The following MAP2K4 variants were observed in gnomAD, a reference collection of about 807,000 sequenced individuals.
MAP2K4 encodes mitogen-activated protein kinase kinase 4, also known as dual specificity mitogen-activated protein kinase kinase 4.
A neutral mutation model predicts 48.5 loss-of-function variants in MAP2K4; 4 were observed. That is an observed-to-expected ratio of 0.08 (90% CI 0.04 to 0.19). The LOEUF (loss-of-function observed/expected upper bound fraction) is 0.19. Among genes scored for constraint, MAP2K4 ranks in the 10% least tolerant of loss-of-function variants. The pLI, the probability that MAP2K4 is intolerant of heterozygous loss-of-function variation, is 1.00. For missense variants in MAP2K4, 258 were observed against 493.3 expected (o/e 0.52, Z 4.52); for synonymous variants, 166 against 173.1 (o/e 0.96, Z 0.32).
At chr17:12,128,429 T>C (rs1972923831) in intron 8 of MAP2K4, among the ~76,000 whole-genome samples, 1 of 152,176 alleles carries the variant, frequency 6.6e-6, no homozygotes, top group Non-Finnish European at 1.5e-5. Context: ...TAGATGAGAA[T>C]ACGATTCACT....
chr17:12,045,226 C>G (rs1051713442), intron 1 of MAP2K4, among the ~76,000 whole-genome samples: 4 of 151,816 alleles, frequency 2.6e-5, no homozygotes, highest in African/African-American at 7.3e-5. Flanking sequence ...TTTGGAAGCA[C>G]TGATTGAAAA....
intron 1 of MAP2K4, among the ~76,000 whole-genome samples, chr17:12,037,270 C>T (rs1464179983): frequency 1.3e-5 from 2 of 151,920 alleles, no homozygotes; most frequent in African/African-American, 2.4e-5. Flanking sequence ...AAAAGGAAAC[C>T]ATAAAGAGGA....
chr17:12,131,050 T>C (rs966415394), intron 9 of MAP2K4, among the ~76,000 whole-genome samples: 16 of 152,252 alleles, frequency 1.1e-4, no homozygotes, highest in Admixed American at 7.2e-4. Context: ...CAAAGGGCCA[T>C]AGAATATAAA....
At chr17:12,102,459 G>GT (rs1471018340) in intron 4 of MAP2K4, among the ~76,000 whole-genome samples, 18 of 152,074 alleles carry the variant, frequency 1.2e-4, no homozygotes, top group African/African-American at 4.3e-4. Context: ...TAAAATTTTT[G>GT]TATCTATGAG....
chr17:12,108,636 T>A (rs1213193285), intron 5 of MAP2K4, among the ~76,000 whole-genome samples: 1 of 152,050 alleles, frequency 6.6e-6, no homozygotes, highest in Non-Finnish European at 1.5e-5. Flanking sequence ...CTCCTGAGAA[T>A]CTGAGCTAAT....
intron 1 of MAP2K4, among the ~76,000 whole-genome samples, chr17:12,025,562 ATAGT>A (rs1969227456): frequency 6.6e-6 from 1 of 152,224 alleles, no homozygotes. Context: ...GTTACAAGAA[ATAGT>A]TAGAAAGTAT....
Position 12,141,265 on chromosome 17 carries a change from G to A in MAP2K4, c.*5G>A, listed in dbSNP as rs2151599779. 5.7e-6 allele frequency: 9 copies of A among 1,589,876 alleles called. No homozygotes were observed. Among genetic ancestry groups the A allele is most frequent in the South Asian group, 1.1e-5 (1 of 90,604 alleles). On this transcript the variant is annotated 3_prime_UTR_variant, in exon 11 of 11. Transcript: ENST00000353533. ...TCTCCCATGTATGTCGATTGATATCGCTGCTACATCAGACTCTAGAAAAAA... is the reference window on the plus strand; with the variant it reads ...TCTCCCATGTATGTCGATTGATATCACTGCTACATCAGACTCTAGAAAAAA...
intron 4 of MAP2K4, among the ~76,000 whole-genome samples, chr17:12,104,759 A>T (rs1016593628): frequency 6.6e-6 from 1 of 152,068 alleles, no homozygotes; most frequent in Non-Finnish European, 1.5e-5. Flanking sequence ...GGTTAAATTT[A>T]ACAGGTCTTA....
intron 2 of MAP2K4, among the ~76,000 whole-genome samples, chr17:12,080,252 A>G (rs1291373007): frequency 6.6e-6 from 1 of 152,230 alleles, no homozygotes; most frequent in Non-Finnish European, 1.5e-5. Flanking sequence ...GACCAAGCAC[A>G]TAAACTTTGC....
intron 10 of MAP2K4, 43 bp downstream of exon 10, chr17:12,139,927 G>A (rs775511841): frequency 2.6e-5 from 38 of 1,451,864 alleles, no homozygotes; most frequent in African/African-American, 5.6e-5. Flanking sequence ...TCCTAACCCC[G>A]GAACTCTCTT....
intron 2 of MAP2K4, among the ~76,000 whole-genome samples, chr17:12,057,521 A>G (rs1476984208): frequency 2.0e-5 from 3 of 152,192 alleles, no homozygotes; most frequent in Non-Finnish European, 2.9e-5. Flanking sequence ...CTCAAATTGC[A>G]TCATCTTCCC....
At chr17:12,120,049 G>T (rs1972632801) in intron 7 of MAP2K4, among the ~76,000 whole-genome samples, 1 of 152,126 alleles carries the variant, frequency 6.6e-6, no homozygotes, top group South Asian at 2.1e-4. Flanking sequence ...TAACTATTGG[G>T]TACTAGGCTT....
chr17:12,129,264 T>C lies in MAP2K4; in HGVS notation c.1017T>C (p.Ser339=). 6.2e-7 allele frequency: 1 copy of C among 1,614,214 alleles called. No homozygotes were observed. The highest frequency in any genetic ancestry group is 8.5e-7 in the Non-Finnish European group (1 of 1,180,020). The change falls in exon 9 of 11, where the codon AGT becomes AGC. Residue 339 remains serine (S), a synonymous_variant. Coordinates refer to ENST00000353533, the MANE Select transcript of MAP2K4 (RefSeq NM_003010.4). ...CTGAGGAAAGGGAATTCTCCCCGAG[T>C]TTCATCAACTTTGTCAACTTGTGGT... ...SNSEEREFSP[S]FINFVNLCLT...
chr17:12,136,336 A>G (rs1424361292), intron 9 of MAP2K4, among the ~76,000 whole-genome samples: 1 of 152,250 alleles, frequency 6.6e-6, no homozygotes, highest in African/African-American at 2.4e-5. Flanking sequence ...TAAGCAGGGA[A>G]CACATTTATA....
At position 12,138,471 on chromosome 17, in the gene MAP2K4, G is replaced by A. The variant is rs28921097; in HGVS notation, c.1041-1368G>A. On this transcript the variant is annotated intron_variant, in intron 9 of 10. Transcript: ENST00000353533. ...AATATATTATTTATGAAGTGGAAGT[G>A]GATCATCATAAAGATCTTCATCCTT... is the stretch of plus-strand genomic sequence containing the variant. Among the ~76,000 whole-genome samples, 639 of 151,880 alleles carry A rather than the reference G, an allele frequency of 4.2e-3. 1 individual carries two copies. Among genetic ancestry groups the A allele is most frequent in the East Asian group, 0.036 (188 of 5,170 alleles).
chr17:12,085,939 T>G (rs1159212394), intron 3 of MAP2K4, among the ~76,000 whole-genome samples: 1 of 152,182 alleles, frequency 6.6e-6, no homozygotes, highest in African/African-American at 2.4e-5. Flanking sequence ...AAAAGTTCCA[T>G]TACCAAATTA....
intron 1 of MAP2K4, among the ~76,000 whole-genome samples, chr17:12,053,163 A>G (rs946868900): frequency 2.0e-5 from 3 of 152,102 alleles, no homozygotes; most frequent in Non-Finnish European, 4.4e-5. Flanking sequence ...GAAGTAAAAG[A>G]GCATATTTAC....
At chr17:12,062,566 C>G (rs1192348399) in intron 2 of MAP2K4, among the ~76,000 whole-genome samples, 2 of 152,148 alleles carry the variant, frequency 1.3e-5, no homozygotes, top group Non-Finnish European at 2.9e-5. Flanking sequence ...CGAACTCAAG[C>G]TATCTTCCTG....
intron 1 of MAP2K4, among the ~76,000 whole-genome samples, chr17:12,036,994 T>G (rs1359039648): frequency 6.6e-6 from 1 of 152,158 alleles, no homozygotes; most frequent in African/African-American, 2.4e-5. Context: ...TCTGTAGCTT[T>G]GTCTTTTACG....
Sources: allele counts gnomAD v4.1 joint callset (sites outside exome capture counted in the v4.1 genomes callset), GRCh38; gene constraint gnomAD v4.1.1; transcripts MANE v1.5; gene names NCBI Gene and HGNC (gene_info 2026-07-23, HGNC 2026-07-21).